Variants in HSD11B1 observed in about 807,000 individuals in gnomAD.
HSD11B1 encodes hydroxysteroid 11-beta dehydrogenase 1.
Under a neutral mutation model 22.1 loss-of-function variants are expected in HSD11B1, and 15 were observed. The observed-to-expected ratio is 0.68, with a 90% CI of 0.45 to 1.04. The LOEUF is 1.04. Among genes scored for constraint, HSD11B1 ranks in the 50% least tolerant of loss-of-function variants. The pLI is 0.00. For synonymous variants in HSD11B1, 122 were observed against 125.2 expected, an observed-to-expected ratio of 0.97 and a Z score of 0.17; for missense variants, 281 against 357.6, an observed-to-expected ratio of 0.79 and a Z score of 1.73.
At chr1:209,710,434 C>T (rs114544828) in intron 4 of HSD11B1, among the ~76,000 whole-genome samples, 48 of 152,318 alleles carry the variant, frequency 3.2e-4, no homozygotes, top group Non-Finnish European at 5.7e-4. Context: ...ATCTACTTAG[C>T]CCCCTACCTC....
chr1:209,706,936 C>T lies in HSD11B1; in HGVS notation c.332-7C>T. 6.2e-7 allele frequency: 1 copy of T among 1,613,624 alleles called. No homozygotes were observed. The highest frequency in any genetic ancestry group is 8.5e-7 in the Non-Finnish European group (1 of 1,179,508). On this transcript the variant is annotated splice_polypyrimidine_tract_variant and splice_region_variant and intron_variant, in intron 3 of 5. Coordinates refer to ENST00000367027, the MANE Select transcript of HSD11B1 (RefSeq NM_005525.4). The surrounding 1 kb of genome is among the most constrained non-coding windows in gnomAD (Gnocchi z 4.0). ...AGATGATTTCTTAATATAGCCATCTCTTGCAGGAGGACTAGACATGCTCAT... is the reference window on the plus strand; with the variant it reads ...AGATGATTTCTTAATATAGCCATCTTTTGCAGGAGGACTAGACATGCTCAT...
In HSD11B1 at chr1:209,707,019, G is replaced by A. The variant is rs1384297050; in HGVS notation, c.408G>A (p.Val136=). ...TTTTTCATGATGATATTCACCATGT[G>A]CGCAAAAGCATGGAAGTCAACTTCC... ...LNLFHDDIHH[V]RKSMEVNFLS... Residue 136 remains valine, a synonymous_variant, in exon 4 of 6, where the codon GTG becomes GTA. Coordinates refer to ENST00000367027, the MANE Select transcript of HSD11B1 (RefSeq NM_005525.4). 1 of 1,613,878 alleles carries A rather than the reference G, an allele frequency of 6.2e-7. No individual in the cohort carries two copies. Among genetic ancestry groups the A allele is most frequent in the Non-Finnish European group, 8.5e-7 (1 of 1,179,868 alleles).
upstream of HSD11B1, among the ~76,000 whole-genome samples, chr1:209,701,827 C>T (rs768058855): frequency 6.6e-6 from 1 of 152,196 alleles, no homozygotes; most frequent in Non-Finnish European, 1.5e-5. Flanking sequence ...TCTGGCCCAT[C>T]CTTCACAGTC....
At chr1:209,728,834 A>C (rs567979042) in intron 4 of HSD11B1, among the ~76,000 whole-genome samples, 1 of 152,362 alleles carries the variant, frequency 6.6e-6, no homozygotes, top group African/African-American at 2.4e-5. Flanking sequence ...AGACACTCCA[A>C]CAAAATTTTC....
At chr1:209,725,160 C>T (rs1343376957) in intron 4 of HSD11B1, among the ~76,000 whole-genome samples, 1 of 152,060 alleles carries the variant, frequency 6.6e-6, no homozygotes, top group East Asian at 1.9e-4. Context: ...ACTGGAGATG[C>T]GATGTAATAC....
At chr1:209,703,231 A>T (rs2076835351), upstream of HSD11B1, among the ~76,000 whole-genome samples, 1 of 152,160 alleles carries the variant, frequency 6.6e-6, no homozygotes, top group Non-Finnish European at 1.5e-5. Context: ...TCATTTCAAC[A>T]TCATCATATT....
At chr1:209,710,945 A>G (rs536448445) in intron 4 of HSD11B1, among the ~76,000 whole-genome samples, 9 of 152,170 alleles carry the variant, frequency 5.9e-5, no homozygotes, top group Non-Finnish European at 1.0e-4. Flanking sequence ...GCATTGTTTC[A>G]TACTGTTTTT....
At chr1:209,691,754 A>G (rs2076760889) in intron 1 of HSD11B1, among the ~76,000 whole-genome samples, 1 of 152,232 alleles carries the variant, frequency 6.6e-6, no homozygotes, top group Admixed American at 6.5e-5. Context: ...GTGTTATTAT[A>G]ATATTAGGAA....
At chr1:209,723,144 A>G (rs1019625768) in intron 4 of HSD11B1, among the ~76,000 whole-genome samples, 1 of 152,130 alleles carries the variant, frequency 6.6e-6, no homozygotes, top group Non-Finnish European at 1.5e-5. Flanking sequence ...TTTGCTTCAG[A>G]AAATATAGTC....
chr1:209,689,228 C>A (rs1414510336), intron 1 of HSD11B1, among the ~76,000 whole-genome samples: 1 of 152,140 alleles, frequency 6.6e-6, no homozygotes, highest in African/African-American at 2.4e-5. Flanking sequence ...AGCTCTACCC[C>A]TCTCCACCCA....
At chr1:209,697,883 C>CTTTTTTTTTTTTTTTTT (rs1558187212) in intron 1 of HSD11B1, among the ~76,000 whole-genome samples, 6 of 21,940 alleles carry the variant, frequency 2.7e-4, no homozygotes, top group African/African-American at 5.0e-4. Flanking sequence ...TTTGTTTTTT[C>CTTTTTTTTTTTTTTTTT]CTTTTTTTTT....
At chr1:209,705,783 G>A (rs1292326939) in intron 1 of HSD11B1, 28 bp from the exon 2 acceptor site, 4 of 1,612,660 alleles carry the variant, frequency 2.5e-6, no homozygotes, top group East Asian at 2.2e-5. Flanking sequence ...CTTGGGTATG[G>A]TCCTCACTTC....
At position 209,734,467 on chromosome 1, in the gene HSD11B1, C is replaced by G. The variant is rs1260262579; in HGVS notation, c.825C>G (p.Ile275Met). ...TLLIRNPCRK[I>M]LEFLYSTSYN... ...TGATCAGAAATCCATGCAGGAAGAT[C>G]CTGGAATTTCTCTACTCAACGAGCT... Residue 275 changes from isoleucine (I) to methionine (M), a missense_variant, in exon 6 of 6, where the codon ATC (isoleucine) becomes ATG (methionine). Physicochemically the swap from Ile to Met is conservative, Grantham distance 10 (BLOSUM62 1). Coordinates refer to ENST00000367027, the MANE Select transcript of HSD11B1 (RefSeq NM_005525.4). 3 of 1,614,084 alleles carry G rather than the reference C, an allele frequency of 1.9e-6. No homozygotes were observed. The highest frequency in any genetic ancestry group is 2.5e-6 in the Non-Finnish European group (3 of 1,179,978).
At chr1:209,696,873 A>AGGC (rs1384760648) in intron 1 of HSD11B1, among the ~76,000 whole-genome samples, 2 of 152,270 alleles carry the variant, frequency 1.3e-5, no homozygotes. Context: ...CTCAGGGTCA[A>AGGC]GGCCATACCC....
chr1:209,689,749 G>A (rs975814530), intron 1 of HSD11B1, among the ~76,000 whole-genome samples: 18 of 152,070 alleles, frequency 1.2e-4, no homozygotes, highest in Non-Finnish European at 2.4e-4. Flanking sequence ...TGGAGATGTC[G>A]GCACCGTGCT....
chr1:209,690,772 G>A (rs1300783993), intron 1 of HSD11B1, among the ~76,000 whole-genome samples: 1 of 151,754 alleles, frequency 6.6e-6, no homozygotes, highest in Non-Finnish European at 1.5e-5. Context: ...CAGAAAATAG[G>A]ATGAAATGGA....
intron 4 of HSD11B1, among the ~76,000 whole-genome samples, chr1:209,728,985 A>C (rs1231427555): frequency 6.6e-6 from 1 of 152,226 alleles, no homozygotes; most frequent in African/African-American, 2.4e-5. Context: ...CATGGGCTGC[A>C]TAGAAGTGAG....
chr1:209,718,120 GA>G (rs996102064), intron 4 of HSD11B1, among the ~76,000 whole-genome samples: 2 of 152,142 alleles, frequency 1.3e-5, no homozygotes, highest in Non-Finnish European at 2.9e-5. Flanking sequence ...GGAGGGTGAA[GA>G]GGGGTTGGCT....
At chr1:209,707,204 G>C (rs2102372576) in intron 4 of HSD11B1, 76 bp downstream of exon 4, 1 of 1,238,628 alleles carries the variant, frequency 8.1e-7, no homozygotes, top group East Asian at 2.3e-5. Context: ...CTCTGAAGTA[G>C]ACATAAATTT....
Sources: allele counts gnomAD v4.1 joint callset (sites outside exome capture counted in the v4.1 genomes callset), GRCh38; gene constraint gnomAD v4.1.1; non-coding constraint Gnocchi (gnomAD v3.1); transcripts MANE v1.5; gene names NCBI Gene and HGNC (gene_info 2026-07-23, HGNC 2026-07-21).